GAB2: variants seen among roughly 807,000 people sequenced by gnomAD.
GAB2 encodes GRB2 associated binding protein 2, also known as GRB2-associated-binding protein 2.
In GAB2, 26 loss-of-function variants were observed where a neutral mutation model predicts 65.5. That is an observed-to-expected ratio of 0.40 (90% CI 0.29 to 0.55). GAB2 has a LOEUF of 0.55. Ranked by LOEUF, GAB2 falls within the 20% of genes least tolerant of loss-of-function variation. The pLI, the probability that GAB2 is intolerant of heterozygous loss-of-function variation, is 0.53. For synonymous variants in GAB2, 321 were observed against 329.6 expected (o/e 0.97, Z 0.28); for missense variants, 884 against 875.8 (o/e 1.01, Z -0.12).
chr11:78,385,893 C>T (rs1856759479), intron 1 of GAB2, among the ~76,000 whole-genome samples: 2 of 152,200 alleles, frequency 1.3e-5, no homozygotes, highest in South Asian at 4.1e-4. Context: ...TTCAGCATTG[C>T]ATCTTTCATG....
chr11:78,295,504 A>G (rs1284540853), intron 1 of GAB2, among the ~76,000 whole-genome samples: 5 of 152,276 alleles, frequency 3.3e-5, no homozygotes, highest in Non-Finnish European at 5.9e-5. Flanking sequence ...CAATCATTCA[A>G]TCAACATTTA....
chr11:78,227,917 T>C (rs1232789624), intron 3 of GAB2, among the ~76,000 whole-genome samples: 3 of 152,196 alleles, frequency 2.0e-5, no homozygotes, highest in Non-Finnish European at 4.4e-5. Flanking sequence ...AAGATCTCTT[T>C]CCAGAGACCT....
At chr11:78,248,144 A>T (rs2156083) in intron 3 of GAB2, among the ~76,000 whole-genome samples, 7,001 of 151,508 alleles carry the variant, frequency 0.046, 499 homozygotes, top group African/African-American at 0.16. Flanking sequence ...AAATGTTGTG[A>T]GAGAGAGAGA....
intron 1 of GAB2, 51 bp downstream of exon 1, chr11:78,417,595 A>T (rs1392451146): frequency 1.1e-6 from 1 of 935,906 alleles, no homozygotes; most frequent in Non-Finnish European, 1.4e-6. Context: ...GCCCCTCCGC[A>T]GGCCCCGGAG....
intron 1 of GAB2, among the ~76,000 whole-genome samples, chr11:78,323,504 C>T: frequency 6.6e-6 from 1 of 151,880 alleles, no homozygotes; most frequent in Admixed American, 6.6e-5. Context: ...AGCAAGGCTC[C>T]GTCTCCCCAA....
chr11:78,262,248 GTT>G (rs1206916528), intron 2 of GAB2, among the ~76,000 whole-genome samples: 1 of 152,186 alleles, frequency 6.6e-6, no homozygotes, highest in Non-Finnish European at 1.5e-5. Flanking sequence ...GAACATGCAC[GTT>G]GGAGTCCGAA....
intron 2 of GAB2, among the ~76,000 whole-genome samples, chr11:78,276,446 C>T (rs973184738): frequency 3.3e-5 from 5 of 152,158 alleles, no homozygotes; most frequent in African/African-American, 1.2e-4. Flanking sequence ...ATTTGTCACC[C>T]TCTAATACTC....
At chr11:78,336,818 T>C (rs776662404) in intron 1 of GAB2, among the ~76,000 whole-genome samples, 27 of 152,028 alleles carry the variant, frequency 1.8e-4, no homozygotes, top group Non-Finnish European at 3.1e-4. Flanking sequence ...ATGAGAAAAA[T>C]GTTAGGAAAT....
intron 2 of GAB2, among the ~76,000 whole-genome samples, chr11:78,274,832 C>T (rs528459686): frequency 6.6e-6 from 1 of 152,274 alleles, no homozygotes; most frequent in Non-Finnish European, 1.5e-5. Flanking sequence ...AATATCCAGG[C>T]CTGTTTCTGG....
intron 1 of GAB2, among the ~76,000 whole-genome samples, chr11:78,322,503 G>A (rs533943266): frequency 1.2e-3 from 178 of 151,648 alleles, no homozygotes; most frequent in African/African-American, 4.0e-3. Flanking sequence ...AGAAACTATC[G>A]AGAGAGTAAA....
intron 1 of GAB2, among the ~76,000 whole-genome samples, chr11:78,373,653 C>T (rs752786352): frequency 1.2e-4 from 19 of 152,252 alleles, no homozygotes; most frequent in African/African-American, 3.9e-4. Context: ...GGAAAACTTC[C>T]GCAAATGTAA....
chr11:78,294,879 A>G (rs966645346), intron 1 of GAB2, among the ~76,000 whole-genome samples: 1 of 151,404 alleles, frequency 6.6e-6, no homozygotes, highest in Non-Finnish European at 1.5e-5. Context: ...AAAAGCCAAA[A>G]TTGACAAATG....
chr11:78,324,384 A>G (rs1300505983), intron 1 of GAB2, among the ~76,000 whole-genome samples: 2 of 152,200 alleles, frequency 1.3e-5, no homozygotes, highest in African/African-American at 2.4e-5. Flanking sequence ...GTCTCTACTC[A>G]CAAATGTGCC....
chr11:78,280,659 A>G lies in GAB2; in HGVS notation c.318T>C (p.Asn106=). ...YLVAETEEDM[N]KWVQSICQIC... is the part of the protein sequence containing the mutation. ...TCTGGCAGATGCTCTGGACCCACTT[A>G]TTCATGTCCTCTTCTGTCTCAGCCA... The change falls in exon 2 of 10, where the codon AAT becomes AAC. Residue 106 remains asparagine, a synonymous_variant. Transcript: ENST00000361507. The G allele has an allele frequency of 6.2e-7, 1 of 1,614,158 alleles. No individual in the cohort carries two copies. Among genetic ancestry groups the G allele is most frequent in the Non-Finnish European group, 8.5e-7 (1 of 1,180,004 alleles).
At position 78,312,576 on chromosome 11, in the gene GAB2, C is replaced by T. The variant is rs182425811; in HGVS notation, c.76-31675G>A. Among the ~76,000 whole-genome samples the T allele has an allele frequency of 9.8e-5, 15 of 152,292 alleles. No individual in the cohort carries two copies. The East Asian group carries it at 2.9e-3, about 29-fold the overall frequency. On this transcript the variant is annotated intron_variant, in intron 1 of 9. Transcript: ENST00000361507. ...GAGTAGCTGGGATTACAGGTGCCCA[C>T]CACCATGCCCCGCTAATTTTTTTTG...
chr11:78,311,269 G>A (rs1038277944), intron 1 of GAB2, among the ~76,000 whole-genome samples: 5 of 152,104 alleles, frequency 3.3e-5, no homozygotes, highest in African/African-American at 1.2e-4. Context: ...AAGTTTTGGG[G>A]TCAGCTTCAT....
intron 1 of GAB2, among the ~76,000 whole-genome samples, chr11:78,327,944 T>C (rs1855852493): frequency 6.6e-6 from 1 of 152,250 alleles, no homozygotes; most frequent in Admixed American, 6.5e-5. Context: ...ATTGTCATTA[T>C]AATAATAAGC....
chr11:78,401,505 C>CGTGTGTGT (rs34474918), intron 1 of GAB2, among the ~76,000 whole-genome samples: 4,230 of 124,930 alleles, frequency 0.034, 145 homozygotes, highest in South Asian at 0.059. Flanking sequence ...GAACAGTATT[C>CGTGTGTGT]GTGTGTGTGT....
At chr11:78,369,956 C>T (rs1856545109) in intron 1 of GAB2, among the ~76,000 whole-genome samples, 1 of 152,116 alleles carries the variant, frequency 6.6e-6, no homozygotes, top group South Asian at 2.1e-4. Context: ...AATAATCTTT[C>T]CTTTAAAAAA....
Sources: gnomAD v4.1 joint callset for allele counts (sites outside exome capture counted in the v4.1 genomes callset) on GRCh38, gnomAD v4.1.1 for gene constraint, MANE v1.5 for transcripts, NCBI Gene and HGNC (gene_info 2026-07-23, HGNC 2026-07-21) for gene names.